The following RABGAP1L variants were observed in gnomAD, a reference collection of about 807,000 sequenced individuals.
The protein encoded by RABGAP1L is RAB GTPase activating protein 1 like.
In RABGAP1L, 63 loss-of-function variants were observed where a neutral mutation model predicts 137.7. The observed-to-expected ratio is 0.46, with a 90% CI of 0.37 to 0.56. RABGAP1L has a LOEUF of 0.56. Among genes scored for constraint, RABGAP1L ranks in the 20% least tolerant of loss-of-function variants. RABGAP1L has a pLI of 0.00. For missense variants in RABGAP1L, 1,095 were observed against 1,244.0 expected (o/e 0.88, Z 1.80); for synonymous variants, 431 against 433.7 (o/e 0.99, Z 0.08).
At chr1:174,769,170 G>T (rs1459593571) in intron 18 of RABGAP1L, among the ~76,000 whole-genome samples, 3 of 152,132 alleles carry the variant, frequency 2.0e-5, no homozygotes, top group African/African-American at 7.2e-5. Context: ...ACTCAAATCA[G>T]TCTCATTGAA....
chr1:174,621,638 C>T (rs1264352358), intron 13 of RABGAP1L, among the ~76,000 whole-genome samples: 1 of 152,124 alleles, frequency 6.6e-6, no homozygotes, highest in Non-Finnish European at 1.5e-5. Context: ...GTTGGGAAAA[C>T]TGGCTAGCCA....
intron 19 of RABGAP1L, among the ~76,000 whole-genome samples, chr1:174,933,021 T>C (rs374016386): frequency 1.3e-5 from 2 of 152,202 alleles, no homozygotes; most frequent in African/African-American, 4.8e-5. Flanking sequence ...TTTCTGGATA[T>C]GTATTGTTGC....
chr1:174,459,176 C>G (rs1185529261), intron 13 of RABGAP1L, among the ~76,000 whole-genome samples: 1 of 151,998 alleles, frequency 6.6e-6, no homozygotes, highest in Non-Finnish European at 1.5e-5. Flanking sequence ...TATATTTACA[C>G]AAAATTAAGC....
intron 19 of RABGAP1L, among the ~76,000 whole-genome samples, chr1:174,953,080 T>C (rs1308836723): frequency 3.3e-5 from 5 of 150,822 alleles, no homozygotes; most frequent in South Asian, 4.2e-4. Flanking sequence ...ATTCAAATAT[T>C]AGTAAGTATT....
At chr1:174,461,885 G>T (rs1052661942) in intron 13 of RABGAP1L, among the ~76,000 whole-genome samples, 4 of 152,022 alleles carry the variant, frequency 2.6e-5, no homozygotes, top group Admixed American at 1.3e-4. Context: ...GTCTTAAAGG[G>T]GGGTGAATAC....
intron 17 of RABGAP1L, among the ~76,000 whole-genome samples, chr1:174,708,520 C>T (rs993635196): frequency 5.3e-5 from 8 of 152,152 alleles, no homozygotes; most frequent in African/African-American, 1.9e-4. Context: ...GGGGCATCAC[C>T]TCACCTGGGA....
At chr1:174,877,700 G>C (rs180744569) in intron 19 of RABGAP1L, 3 of 1,289,500 alleles carry the variant, frequency 2.3e-6, no homozygotes, top group African/African-American at 2.9e-5. Context: ...CTTGCTGTTG[G>C]CTTTGTGTTA....
At chr1:174,528,089 T>A (rs1022320550) in intron 13 of RABGAP1L, among the ~76,000 whole-genome samples, 16 of 152,130 alleles carry the variant, frequency 1.1e-4, no homozygotes, top group African/African-American at 3.1e-4. Flanking sequence ...GTCATTTTTT[T>A]AATTCATTCA....
rs201548353 is a variant in RABGAP1L, at chr1:174,521,748, A to G, written c.1711-115627A>G. On this transcript the variant is annotated intron_variant, in intron 13 of 25. Transcript: ENST00000681986. ...GATGTATATATCAGCATCTTATACAACTCAGAAATTGGAAACACTAGGGCC... is the reference window on the plus strand; with the variant it reads ...GATGTATATATCAGCATCTTATACAGCTCAGAAATTGGAAACACTAGGGCC... Among the ~76,000 whole-genome samples the G allele has an allele frequency of 3.9e-5, 6 of 152,292 alleles. No homozygotes were observed. The East Asian group carries it at 1.2e-3, about 29-fold the overall frequency.
chr1:174,167,381 A>C (rs986094357), intron 1 of RABGAP1L, among the ~76,000 whole-genome samples: 2 of 152,234 alleles, frequency 1.3e-5, no homozygotes, highest in Non-Finnish European at 2.9e-5. Flanking sequence ...CATAGTGTGC[A>C]TATATGTATG....
chr1:174,893,476 C>CT (rs1656612458), intron 19 of RABGAP1L, among the ~76,000 whole-genome samples: 1 of 151,932 alleles, frequency 6.6e-6, no homozygotes, highest in African/African-American at 2.4e-5. Flanking sequence ...GTGATTCCTC[C>CT]TAGGAAGAAA....
intron 7 of RABGAP1L, among the ~76,000 whole-genome samples, chr1:174,259,133 A>G (rs1430624178): frequency 1.3e-5 from 2 of 151,532 alleles, no homozygotes; most frequent in African/African-American, 4.8e-5. Context: ...GAAAGAAGCC[A>G]TTTCTGTGTG....
At chr1:174,803,798 C>T (rs1688981915) in intron 18 of RABGAP1L, among the ~76,000 whole-genome samples, 3 of 151,990 alleles carry the variant, frequency 2.0e-5, no homozygotes, top group Non-Finnish European at 4.4e-5. Flanking sequence ...TCAGGCCAAG[C>T]GCAGTGGCTC....
intron 11 of RABGAP1L, among the ~76,000 whole-genome samples, chr1:174,352,112 A>C (rs1346244965): frequency 1.3e-5 from 2 of 152,126 alleles, no homozygotes; most frequent in Non-Finnish European, 2.9e-5. Flanking sequence ...CCGGCCGGGA[A>C]GTACTCTGTT....
intron 15 of RABGAP1L, among the ~76,000 whole-genome samples, chr1:174,697,595 A>C (rs1679360578): frequency 6.6e-6 from 1 of 152,208 alleles, no homozygotes; most frequent in South Asian, 2.1e-4. Context: ...CTGGGATTAC[A>C]GGCGTGAGCC....
At chr1:174,816,246 G>A (rs1049184931) in intron 19 of RABGAP1L, among the ~76,000 whole-genome samples, 15 of 138,538 alleles carry the variant, frequency 1.1e-4, no homozygotes, top group Admixed American at 4.9e-4. Flanking sequence ...TCCGCCTCCC[G>A]GATTCAAGCA....
intron 19 of RABGAP1L, among the ~76,000 whole-genome samples, chr1:174,937,495 AGGCT>A (rs1335142486): frequency 6.7e-6 from 1 of 149,760 alleles, no homozygotes; most frequent in Non-Finnish European, 1.5e-5. Flanking sequence ...CATGTTGGCC[AGGCT>A]GGTCTCAAAC....
Position 174,562,317 on chromosome 1 carries a change from AC to A in RABGAP1L, c.1711-75056del, listed in dbSNP as rs1216096518. Among the ~76,000 whole-genome samples the A allele has an allele frequency of 7.2e-5, 11 of 152,336 alleles. No individual in the cohort carries two copies. The East Asian group carries it at 1.9e-3, about 27-fold the overall frequency. ...AACCACAATGAGATAACAATCTCACACCATTTAGAATGGCGATCATTAAAAG... is the reference window on the plus strand; with the variant it reads ...AACCACAATGAGATAACAATCTCACACATTTAGAATGGCGATCATTAAAAG... On this transcript the variant is annotated intron_variant, in intron 13 of 25. Transcript: ENST00000681986.
chr1:174,987,206 C>G (rs1303668641), intron 24 of RABGAP1L, among the ~76,000 whole-genome samples: 1 of 151,648 alleles, frequency 6.6e-6, no homozygotes, highest in South Asian at 2.1e-4. Flanking sequence ...CTTGCTCTGT[C>G]GCCAGGCTGG....
Sources: gnomAD v4.1 joint callset for allele counts (sites outside exome capture counted in the v4.1 genomes callset) on GRCh38, gnomAD v4.1.1 for gene constraint, MANE v1.5 for transcripts, NCBI Gene and HGNC (gene_info 2026-07-23, HGNC 2026-07-21) for gene names.